The following KANSL3 variants were observed in gnomAD, a reference collection of about 807,000 sequenced individuals.
KANSL3 encodes the protein NSL complex protein NSL3.
A neutral mutation model predicts 89.2 loss-of-function variants in KANSL3; 16 were observed. The observed-to-expected ratio is 0.18, with a 90% CI of 0.12 to 0.27. The LOEUF (loss-of-function observed/expected upper bound fraction) is 0.27. KANSL3 is among the 10% of genes least tolerant of loss of function. The probability of loss-of-function intolerance (pLI) is 1.00; values close to 1 mark genes in which losing one functional copy is unlikely to be tolerated. For missense variants in KANSL3, 879 were observed against 1,110.6 expected (o/e 0.79, Z 2.96); for synonymous variants, 385 against 419.7 (o/e 0.92, Z 1.01).
rs1170740029 is a variant in KANSL3 at position 96,619,404 on chromosome 2, G to A, written c.618C>T (p.Pro206=). The A allele has an allele frequency of 1.2e-6, 2 of 1,613,494 alleles. No individual in the cohort carries two copies. Among genetic ancestry groups the A allele is most frequent in the African/African-American group, 1.3e-5 (1 of 74,930 alleles). ...HTTLVETLSL[P]MLAAYLDALQ... ...AAGCATCCAGGTAGGCTGCCAGCATGGGCAGACTCAAGGTCTCCACAAGGG... is the reference window on the plus strand; with the variant it reads ...AAGCATCCAGGTAGGCTGCCAGCATAGGCAGACTCAAGGTCTCCACAAGGG... The change falls in exon 5 of 21, where the codon CCC becomes CCT. Residue 206 remains proline (P), a synonymous_variant. Coordinates refer to ENST00000431828, the MANE Select transcript of KANSL3 (RefSeq NM_001115016.3).
chr2:96,602,931 C>A, intron 17 of KANSL3, 69 bp from the exon 18 acceptor site: 1 of 1,411,530 alleles, frequency 7.1e-7, no homozygotes, highest in South Asian at 1.2e-5. Context: ...CAGCCACATC[C>A]ATCCACCCTC....
chr2:96,613,014 C>G, intron 6 of KANSL3, 80 bp from the exon 7 acceptor site: 1 of 883,226 alleles, frequency 1.1e-6, no homozygotes, highest in Non-Finnish European at 1.9e-6. Flanking sequence ...CAATACCTTT[C>G]TCATCCCAAC....
intron 20 of KANSL3, 101 bp from the exon 21 acceptor site, chr2:96,595,732 T>C (rs965558584): frequency 9.1e-6 from 12 of 1,317,758 alleles, no homozygotes; most frequent in Middle Eastern, 1.9e-4. Context: ...GAATTTATTT[T>C]AAAGAATTAA....
Position 96,636,941 on chromosome 2 carries a change from C to T in KANSL3, c.195G>A (p.Arg65=). ...RPTRMLFVTP[R]RQHESTIESD... is the part of the protein sequence containing the mutation. ...CTCACATGGTACTTTCGTGCTGCCG[C>T]CGGGGAGTGACAAAGAGCATGCGGG... Residue 65 remains arginine (R), a synonymous_variant, in exon 2 of 21, where the codon CGG becomes CGA. Coordinates refer to ENST00000431828, the MANE Select transcript of KANSL3 (RefSeq NM_001115016.3). The T allele has an allele frequency of 6.5e-7, 1 of 1,538,932 alleles. No homozygotes were observed. Among genetic ancestry groups the T allele is most frequent in the Non-Finnish European group, 8.8e-7 (1 of 1,139,504 alleles).
At chr2:96,609,171 G>T in intron 12 of KANSL3, 107 bp from the exon 13 acceptor site, 2 of 1,001,770 alleles carry the variant, frequency 2.0e-6, no homozygotes, top group African/African-American at 1.6e-5. Flanking sequence ...TCTGGCATCC[G>T]CATGTGCCAG....
intron 20 of KANSL3, 70 bp downstream of exon 20, chr2:96,601,573 C>A: frequency 6.4e-7 from 1 of 1,556,806 alleles, no homozygotes; most frequent in Non-Finnish European, 8.7e-7. Flanking sequence ...CCCCTTCAAT[C>A]AGCCAGTCAG....
chr2:96,582,769 A>G, the KANSL3 span, among the ~76,000 whole-genome samples: 1 of 152,238 alleles, frequency 6.6e-6, no homozygotes, highest in Admixed American at 6.5e-5. Context: ...GTTGGATTCT[A>G]TAATGTTGCT....
chr2:96,601,818 T>G (rs778088739), intron 19 of KANSL3, 42 bp from the exon 20 acceptor site: 1 of 1,517,742 alleles, frequency 6.6e-7, no homozygotes. Context: ...AGTCACACTC[T>G]CCACCTTCTA....
At chr2:96,602,090 C>T in intron 19 of KANSL3, 26 bp downstream of exon 19, 1 of 1,540,400 alleles carries the variant, frequency 6.5e-7, no homozygotes, top group Non-Finnish European at 8.8e-7. Flanking sequence ...ATCTGGGAGT[C>T]CCCACAGTTC....
At chr2:96,622,483 A>C (rs1319204148) in intron 3 of KANSL3, among the ~76,000 whole-genome samples, 1 of 152,204 alleles carries the variant, frequency 6.6e-6, no homozygotes, top group African/African-American at 2.4e-5. Context: ...GGTAAAAATT[A>C]AGAATTTAAT....
At chr2:96,624,787 G>T (rs1412160436) in intron 3 of KANSL3, among the ~76,000 whole-genome samples, 5 of 152,194 alleles carry the variant, frequency 3.3e-5, no homozygotes, top group Admixed American at 6.5e-5. Context: ...CTCCCAAAGT[G>T]CTGGGATTAC....
intron 5 of KANSL3, 75 bp downstream of exon 5, chr2:96,619,284 C>T: frequency 2.8e-6 from 4 of 1,406,028 alleles, no homozygotes; most frequent in Non-Finnish European, 1.9e-6. Flanking sequence ...AATTACTTTG[C>T]CTAACCCCAC....
chr2:96,590,799 C>T (rs1443897050), downstream of KANSL3, among the ~76,000 whole-genome samples: 2 of 151,972 alleles, frequency 1.3e-5, no homozygotes, highest in African/African-American at 4.8e-5. Flanking sequence ...GTCTAGCCAA[C>T]ATGGTGAAAC....
Position 96,602,276 on chromosome 2 carries a change from G to A in KANSL3, c.2322C>T (p.Ser774=). The A allele has an allele frequency of 6.2e-7, 1 of 1,612,582 alleles. No individual in the cohort carries two copies. The highest frequency in any genetic ancestry group is 1.1e-5 in the South Asian group (1 of 90,524). Residue 774 remains serine (S), a synonymous_variant, in exon 19 of 21, where the codon AGC becomes AGT. Transcript: ENST00000431828. ...QSLGAITTGT[S]TIVRTIPVAT... Reference sequence around the variant, plus strand: ...CCACAGGAATGGTACGGACAATGGTGCTGGTGCCCGTGGTGATGGCACCCA... The same window carrying A: ...CCACAGGAATGGTACGGACAATGGTACTGGTGCCCGTGGTGATGGCACCCA...
chr2:96,611,939 A>T (rs62154846), intron 9 of KANSL3, among the ~76,000 whole-genome samples: 2 of 42,718 alleles, frequency 4.7e-5, no homozygotes, highest in African/African-American at 2.2e-4. Context: ...GTGTGTGTGT[A>T]TGTGAAAATG....
intron 2 of KANSL3, among the ~76,000 whole-genome samples, chr2:96,634,713 C>T (rs1032096345): frequency 1.3e-5 from 2 of 152,178 alleles, no homozygotes; most frequent in Admixed American, 6.5e-5. Context: ...ATAATTACAT[C>T]ATTATGAAAT....
intron 17 of KANSL3, 106 bp from the exon 18 acceptor site, chr2:96,602,968 T>C (rs2067403333): frequency 3.9e-6 from 4 of 1,029,504 alleles, no homozygotes; most frequent in African/African-American, 3.2e-5. Context: ...CCAGTGGTGC[T>C]TGCCCTTGGA....
At chr2:96,589,052 G>T (rs933509531), downstream of KANSL3, among the ~76,000 whole-genome samples, 1 of 152,018 alleles carries the variant, frequency 6.6e-6, no homozygotes, top group Admixed American at 6.6e-5. Context: ...ACATTTTGGA[G>T]CAACCACTAA....
chr2:96,620,061 ATTAC>A (rs1398569523), intron 3 of KANSL3, among the ~76,000 whole-genome samples: 3 of 152,250 alleles, frequency 2.0e-5, no homozygotes, highest in African/African-American at 7.2e-5. Flanking sequence ...AGCAAAGCTA[ATTAC>A]TTACTTAGTA....
Sources: gnomAD v4.1 joint callset for allele counts (sites outside exome capture counted in the v4.1 genomes callset) on GRCh38, gnomAD v4.1.1 for gene constraint, MANE v1.5 for transcripts, NCBI Gene and HGNC (gene_info 2026-07-23, HGNC 2026-07-21) for gene names.